The following PID1 variants were observed in gnomAD, a reference collection of about 807,000 sequenced individuals.
The protein encoded by PID1 is phosphotyrosine interaction domain containing 1.
PID1 carries 10 observed loss-of-function variants against 19.1 expected under a neutral mutation model. That is an observed-to-expected ratio of 0.52 (90% CI 0.32 to 0.89). The LOEUF (loss-of-function observed/expected upper bound fraction) is 0.89. Ranked by LOEUF, PID1 falls within the 40% of genes least tolerant of loss-of-function variation. The probability of loss-of-function intolerance (pLI) is 0.03; values close to 1 mark genes in which losing one functional copy is unlikely to be tolerated. For missense variants in PID1, 248 were observed against 285.3 expected, an observed-to-expected ratio of 0.87 and a Z score of 0.94; for synonymous variants, 130 against 116.0, an observed-to-expected ratio of 1.12 and a Z score of -0.78.
At chr2:229,160,987 C>G (rs1005035544) in intron 1 of PID1, among the ~76,000 whole-genome samples, 2 of 152,180 alleles carry the variant, frequency 1.3e-5, no homozygotes, top group Non-Finnish European at 2.9e-5. Flanking sequence ...TCCACTACTG[C>G]ATGCTGCCTT....
At chr2:229,174,347 A>C (rs1248900706) in intron 1 of PID1, among the ~76,000 whole-genome samples, 1 of 152,200 alleles carries the variant, frequency 6.6e-6, no homozygotes, top group Admixed American at 6.5e-5. Flanking sequence ...AGAGGTACCT[A>C]CGGAGCTCAC....
At chr2:229,030,104 T>C (rs1693515503) in intron 2 of PID1, among the ~76,000 whole-genome samples, 1 of 152,220 alleles carries the variant, frequency 6.6e-6, no homozygotes, top group Non-Finnish European at 1.5e-5. Flanking sequence ...TGACAGATAC[T>C]ACAACATGGA....
At chr2:229,193,099 T>C (rs557417083) in intron 1 of PID1, among the ~76,000 whole-genome samples, 26 of 152,328 alleles carry the variant, frequency 1.7e-4, no homozygotes, top group African/African-American at 6.3e-4. Flanking sequence ...TGTGATTTAA[T>C]GGATCAGGAA....
At chr2:229,172,043 G>A (rs1219688894) in intron 1 of PID1, among the ~76,000 whole-genome samples, 1 of 152,130 alleles carries the variant, frequency 6.6e-6, no homozygotes, top group Non-Finnish European at 1.5e-5. Context: ...GTATCATAGG[G>A]AGCTGTGCAC....
At chr2:229,218,449 C>T (rs17320996) in intron 1 of PID1, among the ~76,000 whole-genome samples, 23,595 of 152,058 alleles carry the variant, frequency 0.16, 2,140 homozygotes, top group Admixed American at 0.25. Flanking sequence ...TAACTCTTCC[C>T]GCACACGTTG....
intron 1 of PID1, among the ~76,000 whole-genome samples, chr2:229,225,099 C>CT (rs1232718731): frequency 6.6e-6 from 1 of 152,124 alleles, no homozygotes; most frequent in Non-Finnish European, 1.5e-5. Context: ...TCTCCACATC[C>CT]TTCTCATACC....
chr2:229,252,513 T>C lies in PID1; in HGVS notation c.30+18501A>G, dbSNP rs147986500. On this transcript the variant is annotated intron_variant, in intron 1 of 2. Coordinates refer to ENST00000392055, the MANE Select transcript of PID1 (RefSeq NM_001100818.2). Reference sequence around the variant, plus strand: ...CTCCTGTTCAGCAAGGGCATTGAATTACATTATGAAGAAAAATGCCAATTG... The same window carrying C: ...CTCCTGTTCAGCAAGGGCATTGAATCACATTATGAAGAAAAATGCCAATTG... 4.5e-3 allele frequency among the ~76,000 whole-genome samples: 685 copies of C among 152,282 alleles called. 2 individuals carry two copies. Among genetic ancestry groups the C allele is most frequent in the Middle Eastern group, 0.017 (5 of 294 alleles).
intron 2 of PID1, among the ~76,000 whole-genome samples, chr2:229,041,204 C>T (rs1693764115): frequency 6.6e-6 from 1 of 152,154 alleles, no homozygotes; most frequent in South Asian, 2.1e-4. Context: ...AGAGCTGTTT[C>T]AGGGCTGTCA....
At chr2:229,052,684 C>A (rs139777409) in intron 2 of PID1, among the ~76,000 whole-genome samples, 62 of 150,550 alleles carry the variant, frequency 4.1e-4, no homozygotes, top group African/African-American at 1.3e-3. Flanking sequence ...CTAATTTGAC[C>A]GGTGGGAAAT....
chr2:229,062,102 C>G (rs914155238), intron 2 of PID1, among the ~76,000 whole-genome samples: 1 of 151,748 alleles, frequency 6.6e-6, no homozygotes, highest in Non-Finnish European at 1.5e-5. Flanking sequence ...TCTAATTGTT[C>G]TAGCTACAAC....
chr2:229,156,378 T>G (rs1002146128), intron 1 of PID1, among the ~76,000 whole-genome samples: 1 of 152,186 alleles, frequency 6.6e-6, no homozygotes, highest in Non-Finnish European at 1.5e-5. Context: ...GATGAAAAAG[T>G]ACACAAGACT....
At chr2:229,141,600 C>CA (rs1690012625) in intron 2 of PID1, among the ~76,000 whole-genome samples, 10 of 151,906 alleles carry the variant, frequency 6.6e-5, no homozygotes, top group Admixed American at 6.6e-4. Flanking sequence ...TCATAAGTGT[C>CA]ACGAAAACAA....
chr2:229,116,381 C>A (rs893800063), intron 2 of PID1, among the ~76,000 whole-genome samples: 1 of 152,186 alleles, frequency 6.6e-6, no homozygotes, highest in African/African-American at 2.4e-5. Context: ...CATGGCACTT[C>A]ATCCTGCCCA....
chr2:229,223,400 T>C (rs1692013701), intron 1 of PID1, among the ~76,000 whole-genome samples: 1 of 152,228 alleles, frequency 6.6e-6, no homozygotes. Flanking sequence ...CAACATGGTG[T>C]TTCTTATGCA....
chr2:229,117,823 A>G (rs1380966171), intron 2 of PID1, among the ~76,000 whole-genome samples: 1 of 151,790 alleles, frequency 6.6e-6, no homozygotes, highest in Non-Finnish European at 1.5e-5. Flanking sequence ...CCACACTCCT[A>G]CCCATGTTTT....
intron 2 of PID1, among the ~76,000 whole-genome samples, chr2:229,145,893 T>C (rs897928320): frequency 2.0e-5 from 3 of 152,214 alleles, no homozygotes; most frequent in Admixed American, 2.0e-4. Flanking sequence ...TTTTCAGAAA[T>C]TTTGATTAAA....
chr2:229,156,435 C>G (rs986566002), intron 1 of PID1, among the ~76,000 whole-genome samples: 21 of 152,206 alleles, frequency 1.4e-4, no homozygotes, highest in Admixed American at 5.2e-4. Flanking sequence ...GCTGTGGAAC[C>G]TTAGGAAATT....
At chr2:229,059,576 G>T (rs1004434126) in intron 2 of PID1, among the ~76,000 whole-genome samples, 2 of 152,132 alleles carry the variant, frequency 1.3e-5, no homozygotes, top group Admixed American at 6.5e-5. Flanking sequence ...AAAATTTTCT[G>T]AATCTAATTT....
chr2:229,107,877 C>G (rs1165578556), intron 2 of PID1, among the ~76,000 whole-genome samples: 1 of 152,152 alleles, frequency 6.6e-6, no homozygotes, highest in Non-Finnish European at 1.5e-5. Flanking sequence ...TGACAAGAGT[C>G]CCAGGTATTT....
Sources: gnomAD v4.1 joint callset for allele counts (sites outside exome capture counted in the v4.1 genomes callset) on GRCh38, gnomAD v4.1.1 for gene constraint, MANE v1.5 for transcripts, NCBI Gene and HGNC (gene_info 2026-07-23, HGNC 2026-07-21) for gene names.